SLC25A29: variants seen among roughly 807,000 people sequenced by gnomAD.
SLC25A29 encodes solute carrier family 25 member 29.
Under a neutral mutation model 10.0 loss-of-function variants are expected in SLC25A29, and 13 were observed. The ratio of observed to expected loss-of-function variants is 1.30; its 90% CI spans 0.85 to 2.07. The LOEUF is 2.07. Ranked by LOEUF, SLC25A29 falls within the 30% of genes most tolerant of loss-of-function variation. The pLI, the probability that SLC25A29 is intolerant of heterozygous loss-of-function variation, is 0.00. For missense variants in SLC25A29, 475 were observed against 447.6 expected, an observed-to-expected ratio of 1.06 and a Z score of -0.55; for synonymous variants, 244 against 221.1, an observed-to-expected ratio of 1.10 and a Z score of -0.92.
chr14:100,295,478 C>T lies in SLC25A29; in HGVS notation c.79-2101G>A, dbSNP rs191630030. The stretch of plus-strand genomic sequence containing the variant: ...AGGGGGCTGATTTTTTTTGGCCAGC[C>T]CGAGCCCCCACCCCAGGACCTGTGC... On this transcript the variant is annotated intron_variant, in intron 2 of 3. Transcript: ENST00000359232. The T allele has an allele frequency of 5.2e-6, 5 of 953,220 alleles. No individual in the cohort carries two copies. The South Asian group carries it at 8.3e-5, about 16-fold the overall frequency. 59.0% of individuals were successfully genotyped at this position (953,220 alleles called of 1,614,324 possible). A position where few individuals can be genotyped will look rare whatever the true frequency, so the allele number is the denominator to read the frequency against.
downstream of SLC25A29, among the ~76,000 whole-genome samples, chr14:100,286,482 T>A (rs866554245): frequency 7.2e-4 from 52 of 71,780 alleles, 1 homozygote; most frequent in African/African-American, 2.8e-3. Context: ...GGGGGGGGGG[T>A]GTTGCTTGCA....
chr14:100,299,642 T>G (rs934377534), intron 1 of SLC25A29: 2 of 985,452 alleles, frequency 2.0e-6, no homozygotes, highest in African/African-American at 3.5e-5. Flanking sequence ...TCCAGAGTCC[T>G]AAATGCTGTG....
chr14:100,301,750 TC>T (rs1162659979), intron 1 of SLC25A29, among the ~76,000 whole-genome samples: 6 of 151,568 alleles, frequency 4.0e-5, no homozygotes, highest in Non-Finnish European at 8.8e-5. Context: ...GACCTCGTGA[TC>T]CACCCGCCTC....
At chr14:100,300,345 T>G (rs1391563786) in intron 1 of SLC25A29, among the ~76,000 whole-genome samples, 1 of 152,206 alleles carries the variant, frequency 6.6e-6, no homozygotes, top group African/African-American at 2.4e-5. Context: ...TTCTCTTTGG[T>G]TACATGTGAC....
At chr14:100,293,729 C>T in intron 2 of SLC25A29, 1 of 239,654 alleles carries the variant, frequency 4.2e-6, no homozygotes, top group South Asian at 6.9e-5. Flanking sequence ...TGATGCTTGT[C>T]ATACTGCTGA....
the SLC25A29 span, chr14:100,279,038 T>C: frequency 2.0e-5 from 3 of 152,266 alleles, no homozygotes; most frequent in Admixed American, 6.5e-5. Context: ...TGTTTCTAAA[T>C]GGACACTGGG....
intron 2 of SLC25A29, 58 bp downstream of exon 2, chr14:100,298,784 C>G: frequency 6.2e-7 from 1 of 1,610,676 alleles, no homozygotes; most frequent in South Asian, 1.1e-5. Flanking sequence ...CCACCCCAAC[C>G]CTGTGAGCCT....
chr14:100,289,045 T>A (rs1891604479), downstream of SLC25A29, among the ~76,000 whole-genome samples: 1 of 152,118 alleles, frequency 6.6e-6, no homozygotes, highest in Non-Finnish European at 1.5e-5. Flanking sequence ...CGGCAAGAGA[T>A]GGTGGCAGCG....
chr14:100,300,725 AAAC>A (rs1318721262), intron 1 of SLC25A29, among the ~76,000 whole-genome samples: 1 of 152,086 alleles, frequency 6.6e-6, no homozygotes, highest in Non-Finnish European at 1.5e-5. Flanking sequence ...TGTTTGTTGT[AAAC>A]AACTGTATCT....
chr14:100,299,387 G>T, intron 1 of SLC25A29: 1 of 998,714 alleles, frequency 1.0e-6, no homozygotes, highest in Middle Eastern at 5.1e-4. Flanking sequence ...ACCTGTAAAG[G>T]TTTACCTCCC....
chr14:100,293,563 T>G (rs1595354811), intron 2 of SLC25A29, 186 bp from the exon 3 acceptor site: 6 of 597,316 alleles, frequency 1.0e-5, no homozygotes, highest in Non-Finnish European at 1.5e-5. Context: ...GGGGTGCCAG[T>G]AGGCAAACAG....
At chr14:100,280,311 A>T in the SLC25A29 span, 1 of 152,226 alleles carries the variant, frequency 6.6e-6, no homozygotes, top group African/African-American at 2.4e-5. Flanking sequence ...ATACTGATAG[A>T]CATATTTTCG....
the SLC25A29 span, chr14:100,280,011 T>A: frequency 6.6e-6 from 1 of 152,278 alleles, no homozygotes; most frequent in Non-Finnish European, 1.5e-5. Flanking sequence ...TCCCCTTGAC[T>A]CTCTCTGTTC....
chr14:100,287,046 TAC>T (rs1454526526), downstream of SLC25A29, among the ~76,000 whole-genome samples: 1 of 152,232 alleles, frequency 6.6e-6, no homozygotes, highest in African/African-American at 2.4e-5. Flanking sequence ...GAGCCATCCC[TAC>T]AGTCACAAGA....
Position 100,306,254 on chromosome 14 carries a change from G to A in SLC25A29, c.-22C>T, listed in dbSNP as rs1892945771. ...CCATGGCCGGGTCCCCGGCGAGGCCGCCTTTCCTCCTCGTCCTCCCCCTGA... is the reference window on the plus strand; with the variant it reads ...CCATGGCCGGGTCCCCGGCGAGGCCACCTTTCCTCCTCGTCCTCCCCCTGA... On this transcript the variant is annotated 5_prime_UTR_variant, in exon 1 of 4. Coordinates refer to ENST00000359232, the MANE Select transcript of SLC25A29 (RefSeq NM_001039355.3). 6.8e-7 allele frequency: 1 copy of A among 1,479,632 alleles called. No homozygotes were observed. Among genetic ancestry groups the A allele is most frequent in the Non-Finnish European group, 8.9e-7 (1 of 1,118,582 alleles). 91.7% of individuals were successfully genotyped at this position (1,479,632 alleles called of 1,614,324 possible). A position where few individuals can be genotyped will look rare whatever the true frequency, so the allele number is the denominator to read the frequency against.
chr14:100,288,667 C>G (rs1411426438), downstream of SLC25A29, among the ~76,000 whole-genome samples: 1 of 147,448 alleles, frequency 6.8e-6, no homozygotes, highest in Non-Finnish European at 1.5e-5. Context: ...TATCTGTGGC[C>G]CCGTCCGCTG....
chr14:100,299,541 C>T (rs535996819), intron 1 of SLC25A29: 68 of 986,090 alleles, frequency 6.9e-5, no homozygotes, highest in Middle Eastern at 5.2e-4. Flanking sequence ...TGTGACTGTG[C>T]GGTCATCCTT....
intron 1 of SLC25A29, among the ~76,000 whole-genome samples, chr14:100,301,535 A>G (rs928726643): frequency 4.6e-5 from 7 of 150,668 alleles, no homozygotes; most frequent in Non-Finnish European, 8.8e-5. Context: ...ATTTTTATTT[A>G]TTTATTTTTT....
chr14:100,278,905 T>G, the SLC25A29 span: 1 of 152,240 alleles, frequency 6.6e-6, no homozygotes, highest in East Asian at 1.9e-4. Context: ...GGACCTTGGC[T>G]TGTCTGACAG....
Sources: allele counts gnomAD v4.1 joint callset (sites outside exome capture counted in the v4.1 genomes callset), GRCh38; gene constraint gnomAD v4.1.1; transcripts MANE v1.5; gene names NCBI Gene and HGNC (gene_info 2026-07-23, HGNC 2026-07-21).